HEATR4: variants seen among roughly 807,000 people sequenced by gnomAD.
HEATR4 encodes HEAT repeat containing 4, also known as HEAT repeat-containing protein 4.
Under a neutral mutation model 108.8 loss-of-function variants are expected in HEATR4, and 95 were observed. The ratio of observed to expected loss-of-function variants is 0.87; its 90% CI spans 0.74 to 1.04. The LOEUF (loss-of-function observed/expected upper bound fraction) is 1.04, where lower values mean the gene tolerates loss of function less well. HEATR4 is among the 50% of genes least tolerant of loss of function. The pLI is 0.00. For missense variants in HEATR4, 1,152 were observed against 1,253.8 expected, an observed-to-expected ratio of 0.92 and a Z score of 1.23; for synonymous variants, 443 against 459.4, an observed-to-expected ratio of 0.96 and a Z score of 0.46.
the HEATR4 span, among the ~76,000 whole-genome samples, chr14:73,628,753 CAAAA>C: frequency 7.9e-6 from 1 of 126,524 alleles, no homozygotes; most frequent in Non-Finnish European, 1.7e-5. Context: ...AACTCCATCT[CAAAA>C]AAAAAAAAAA....
intron 10 of HEATR4, among the ~76,000 whole-genome samples, chr14:73,505,501 A>G (rs1886753164): frequency 6.6e-6 from 1 of 151,918 alleles, no homozygotes; most frequent in Non-Finnish European, 1.5e-5. Flanking sequence ...GGTTCAAGCA[A>G]TTCTTGTGCC....
intron 1 of HEATR4, among the ~76,000 whole-genome samples, chr14:73,533,542 C>T (rs1046598538): frequency 2.7e-5 from 3 of 112,886 alleles, no homozygotes; most frequent in African/African-American, 8.7e-5. Flanking sequence ...AGCTGGGTGT[C>T]CTGGTACGCG....
the HEATR4 span, among the ~76,000 whole-genome samples, chr14:73,566,818 C>T: frequency 3.9e-5 from 6 of 152,168 alleles, no homozygotes; most frequent in Admixed American, 6.5e-5. Flanking sequence ...TCTCAAGTGC[C>T]GCCAAAGTGG....
In HEATR4 at chr14:73,523,133, C is replaced by T. The variant is rs537815197; in HGVS notation, c.20G>A (p.Gly7Glu). Residue 7 changes from glycine (G) to glutamate (E), a missense_variant, in exon 3 of 18, where the codon GGA becomes GAA. Gly to Glu is a moderately conservative substitution (Grantham distance 98). Coordinates refer to ENST00000553558, the MANE Select transcript of HEATR4 (RefSeq NM_001220484.1). MTRTQK[G>E]KTFLPHCFYQ... is the part of the protein sequence containing the mutation. The stretch of plus-strand genomic sequence containing the variant: ...GAAGCAATGGGGGAGAAAGGTCTTT[C>T]CCTTCTGGGTCCTGGTCATACCGCG... 95 of 1,600,966 alleles carry T rather than the reference C, an allele frequency of 5.9e-5. No individual in the cohort carries two copies. The African/African-American group carries it at 1.0e-3, about 17-fold the overall frequency.
At position 73,492,763 on chromosome 14, in the gene HEATR4, C is replaced by T; in HGVS notation, c.2844+303G>A. On this transcript the variant is annotated intron_variant, in intron 17 of 17. Coordinates refer to ENST00000553558, the MANE Select transcript of HEATR4 (RefSeq NM_001220484.1). This position sits in a 1 kb window ranked among gnomAD's most constrained non-coding sequence, Gnocchi z 4.9. ...CCCGTGTGTATCATCTGGAAGAACCCAAGTGCTTGGAAATATACCCCCAGC... is the reference window on the plus strand; with the variant it reads ...CCCGTGTGTATCATCTGGAAGAACCTAAGTGCTTGGAAATATACCCCCAGC... 6.2e-7 allele frequency: 1 copy of T among 1,613,934 alleles called. No individual in the cohort carries two copies. The highest frequency in any genetic ancestry group is 1.3e-5 in the African/African-American group (1 of 75,022).
chr14:73,623,417 C>T, the HEATR4 span, among the ~76,000 whole-genome samples: 1 of 152,188 alleles, frequency 6.6e-6, no homozygotes, highest in Non-Finnish European at 1.5e-5. Context: ...GGCATGGTGG[C>T]TCATGCCTGT....
At chr14:73,557,274 C>T (rs71427200) in intron 1 of HEATR4, among the ~76,000 whole-genome samples, 1,599 of 113,828 alleles carry the variant, frequency 0.014, 95 homozygotes, top group African/African-American at 0.043. Flanking sequence ...AGCTGGAAAA[C>T]GTAGGAGTTG....
At chr14:73,604,870 C>T in the HEATR4 span, among the ~76,000 whole-genome samples, 6 of 152,250 alleles carry the variant, frequency 3.9e-5, no homozygotes, top group Admixed American at 3.3e-4. Context: ...TTTCTAAGGT[C>T]TAATAAGCAG....
rs766882429 is a variant in HEATR4, at chr14:73,493,101, GTCT to G, written c.2806_2808del (p.Arg936del). On this transcript the variant is annotated inframe_deletion, in exon 17 of 18. Coordinates refer to ENST00000553558, the MANE Select transcript of HEATR4 (RefSeq NM_001220484.1). The stretch of plus-strand genomic sequence containing the variant: ...GCTTCAGTGTCACAAACCTCGGAAG[GTCT>G]TCTAGGAAGAACCATCTCATCTAGG... 69 of 1,611,652 alleles carry G rather than the reference GTCT, an allele frequency of 4.3e-5. No individual in the cohort carries two copies. In the Admixed American group the frequency reaches 5.7e-4, roughly 13 times the overall value.
the HEATR4 span, chr14:73,593,845 G>A: frequency 4.8e-4 from 777 of 1,613,932 alleles, 5 homozygotes; most frequent in African/African-American, 9.5e-3. Flanking sequence ...CAATAACATG[G>A]ACAACATATC....
At chr14:73,480,144 T>TA (rs1224344134) in intron 17 of HEATR4, among the ~76,000 whole-genome samples, 1 of 152,180 alleles carries the variant, frequency 6.6e-6, no homozygotes, top group African/African-American at 2.4e-5. Context: ...TTTCATTTCT[T>TA]AAAAAATGAA....
At chr14:73,495,161 A>G (rs1886036736) in intron 16 of HEATR4, 67 bp downstream of exon 16, 1 of 1,447,552 alleles carries the variant, frequency 6.9e-7, no homozygotes, top group Non-Finnish European at 9.5e-7. Flanking sequence ...AAGTCCCAAA[A>G]CATCCAGATC....
chr14:73,560,564 A>T (rs372238334), upstream of HEATR4, among the ~76,000 whole-genome samples: 13 of 150,658 alleles, frequency 8.6e-5, no homozygotes, highest in Admixed American at 2.0e-4. Flanking sequence ...TTGGAGGCTG[A>T]GGCAGGAGAA....
At position 73,544,791 on chromosome 14, in the gene HEATR4, T is replaced by TG. The variant is rs1201215526; in HGVS notation, c.-152+13959dup. ...GTCTCTACAAACAAATACCAGACAT[T>TG]GTGGCGGATGCCTGTAGTCCCAGCT... is the stretch of plus-strand genomic sequence containing the variant. On this transcript the variant is annotated intron_variant, in intron 1 of 17. Transcript: ENST00000553558. 1.8e-5 allele frequency among the ~76,000 whole-genome samples: 2 copies of TG among 111,584 alleles called. 1 individual carries two copies. The highest frequency in any genetic ancestry group is 3.9e-5 in the Non-Finnish European group (2 of 51,420). The allele number at this position is 111,584 out of a possible 152,430, so 73.2% of individuals were successfully genotyped here. A position where few individuals can be genotyped will look rare whatever the true frequency, so the allele number is the denominator to read the frequency against.
chr14:73,601,471 G>A, the HEATR4 span, among the ~76,000 whole-genome samples: 1 of 152,322 alleles, frequency 6.6e-6, no homozygotes, highest in African/African-American at 2.4e-5. Context: ...GGCTAAAACA[G>A]GAGAATTGCT....
Position 73,547,952 on chromosome 14 carries a change from A to C in HEATR4, c.-152+10799T>G, listed in dbSNP as rs1044488591. On this transcript the variant is annotated intron_variant, in intron 1 of 17. Transcript: ENST00000553558. The stretch of plus-strand genomic sequence containing the variant: ...GGCGGGTTGTTTTTGTTTTTGTTTT[A>C]AGAGACAGGCTCTGGCCAGGCTGGA... 5.3e-5 allele frequency among the ~76,000 whole-genome samples: 6 copies of C among 113,722 alleles called. 1 individual carries two copies. Among genetic ancestry groups the C allele is most frequent in the Non-Finnish European group, 1.2e-4 (6 of 51,952 alleles). The allele number at this position is 113,722 out of a possible 152,430, so 74.6% of individuals were successfully genotyped here. A position where few individuals can be genotyped will look rare whatever the true frequency, so the allele number is the denominator to read the frequency against.
At chr14:73,528,392 C>CAAAAAAAAAA (rs371875141) in intron 2 of HEATR4, among the ~76,000 whole-genome samples, 5 of 88,494 alleles carry the variant, frequency 5.7e-5, no homozygotes, top group Admixed American at 1.5e-4. Flanking sequence ...AACTTCATCT[C>CAAAAAAAAAA]AAAAAAAAAA....
the HEATR4 span, among the ~76,000 whole-genome samples, chr14:73,605,479 G>A: frequency 6.6e-6 from 1 of 150,786 alleles, no homozygotes; most frequent in Non-Finnish European, 1.5e-5. Context: ...CTCCTCGCCT[G>A]GGAACTAGAC....
chr14:73,531,460 G>T (rs1362357702), intron 1 of HEATR4, among the ~76,000 whole-genome samples: 2 of 96,204 alleles, frequency 2.1e-5, no homozygotes, highest in African/African-American at 3.4e-5. Context: ...TCACTCTGTC[G>T]CCCAGGCTGG....
Sources: gnomAD v4.1 joint callset for allele counts (sites outside exome capture counted in the v4.1 genomes callset) on GRCh38, gnomAD v4.1.1 for gene constraint, Gnocchi (gnomAD v3.1) non-coding constraint, MANE v1.5 for transcripts, NCBI Gene and HGNC (gene_info 2026-07-23, HGNC 2026-07-21) for gene names.